Variants in RTN1 observed in about 807,000 individuals in gnomAD.
RTN1 encodes the protein reticulon-1.
In RTN1, 25 loss-of-function variants were observed where a neutral mutation model predicts 65.5. That is an observed-to-expected ratio of 0.38 (90% CI 0.28 to 0.53). The LOEUF is 0.53. Ranked by LOEUF, RTN1 falls within the 20% of genes least tolerant of loss-of-function variation. The pLI, the probability that RTN1 is intolerant of heterozygous loss-of-function variation, is 0.79. For synonymous variants in RTN1, 471 were observed against 447.6 expected (o/e 1.05, Z -0.66); for missense variants, 983 against 1,025.4 (o/e 0.96, Z 0.57).
intron 2 of RTN1, among the ~76,000 whole-genome samples, chr14:59,730,297 G>C (rs1387613247): frequency 6.6e-6 from 1 of 152,180 alleles, no homozygotes; most frequent in East Asian, 1.9e-4. Flanking sequence ...ATGAGAAGGA[G>C]AGGAAAAGTG....
intron 1 of RTN1, among the ~76,000 whole-genome samples, chr14:59,854,639 CAAAAAAAA>C (rs552017689): frequency 8.4e-5 from 6 of 71,788 alleles, no homozygotes; most frequent in African/African-American, 2.7e-4. Flanking sequence ...GACTGCGTCT[CAAAAAAAA>C]AAAAAAAAAA....
chr14:59,853,827 T>C (rs1252205257), intron 1 of RTN1, among the ~76,000 whole-genome samples: 1 of 152,078 alleles, frequency 6.6e-6, no homozygotes, highest in Non-Finnish European at 1.5e-5. Context: ...GGGGATTCTA[T>C]TGCAGGGTTT....
rs180914533 is a variant in RTN1, at chr14:59,605,028, A to T, written c.2112+340T>A. The T allele has an allele frequency of 5.4e-5, 9 of 166,814 alleles. No individual in the cohort carries two copies. The East Asian group carries it at 1.0e-3, about 19-fold the overall frequency. The allele number at this position is 166,814 out of a possible 1,614,324, so 10.3% of individuals were successfully genotyped here. ...CCCTATCTAGATTTTTTATCTTAAT[A>T]TTAATTTTGGGAAATTGTCGGAGGA... On this transcript the variant is annotated intron_variant, in intron 5 of 8. Transcript: ENST00000267484.
chr14:59,738,095 G>T (rs993899847), intron 2 of RTN1, among the ~76,000 whole-genome samples: 15 of 152,128 alleles, frequency 9.9e-5, no homozygotes, highest in Non-Finnish European at 5.9e-5. Flanking sequence ...CAGGACATAG[G>T]CATGGGCAAA....
At chr14:59,715,367 A>T (rs1170141345) in intron 3 of RTN1, among the ~76,000 whole-genome samples, 1 of 152,216 alleles carries the variant, frequency 6.6e-6, no homozygotes, top group Non-Finnish European at 1.5e-5. Context: ...GCCCTGAGGA[A>T]AAGATGTCTC....
chr14:59,611,228 C>T (rs1350502804), intron 3 of RTN1, among the ~76,000 whole-genome samples: 1 of 152,138 alleles, frequency 6.6e-6, no homozygotes, highest in African/African-American at 2.4e-5. Flanking sequence ...CCAGGATTGC[C>T]CTTGTGGCTA....
chr14:59,758,379 T>G (rs573218647), intron 1 of RTN1, among the ~76,000 whole-genome samples: 1 of 152,320 alleles, frequency 6.6e-6, no homozygotes, highest in Admixed American at 6.5e-5. Context: ...TGGCTTAGAA[T>G]TCAGGATCCT....
chr14:59,718,018 G>A (rs1375445164), intron 3 of RTN1, among the ~76,000 whole-genome samples: 2 of 152,198 alleles, frequency 1.3e-5, no homozygotes, highest in Admixed American at 1.3e-4. Flanking sequence ...AACTGCTTCC[G>A]ATATAAATGG....
intron 3 of RTN1, among the ~76,000 whole-genome samples, chr14:59,623,654 A>G (rs1246179514): frequency 6.6e-6 from 1 of 152,236 alleles, no homozygotes; most frequent in East Asian, 1.9e-4. Context: ...TCTATTGGTC[A>G]TCAACCATAA....
intron 1 of RTN1, among the ~76,000 whole-genome samples, chr14:59,848,497 T>A (rs1034416297): frequency 6.6e-6 from 1 of 152,242 alleles, no homozygotes. Flanking sequence ...CAAAGTGATA[T>A]AACATATGAA....
At chr14:59,742,557 G>A (rs1885135730) in intron 2 of RTN1, among the ~76,000 whole-genome samples, 1 of 152,140 alleles carries the variant, frequency 6.6e-6, no homozygotes, top group African/African-American at 2.4e-5. Flanking sequence ...TTGGAATTGG[G>A]AGAAATATAA....
intron 1 of RTN1, among the ~76,000 whole-genome samples, chr14:59,823,430 A>T (rs531390592): frequency 1.3e-5 from 2 of 152,192 alleles, no homozygotes; most frequent in African/African-American, 4.8e-5. Context: ...TTGTGGTGGT[A>T]GATATCAGTC....
At chr14:59,763,696 C>G (rs1260889961) in intron 1 of RTN1, among the ~76,000 whole-genome samples, 2 of 151,988 alleles carry the variant, frequency 1.3e-5, no homozygotes, top group African/African-American at 4.8e-5. Context: ...CGACGCCCGG[C>G]TAATTTTTGT....
At chr14:59,841,356 T>A (rs1037845709) in intron 1 of RTN1, among the ~76,000 whole-genome samples, 1 of 152,130 alleles carries the variant, frequency 6.6e-6, no homozygotes, top group African/African-American at 2.4e-5. Flanking sequence ...CAAATATAAA[T>A]GTTTAAACAC....
rs755798024 is a variant in RTN1 at position 59,727,086 on chromosome 14, C to T, written c.1598G>A (p.Gly533Asp). 6.2e-7 allele frequency: 1 copy of T among 1,611,596 alleles called. No homozygotes were observed. The highest frequency in any genetic ancestry group is 2.2e-5 in the East Asian group (1 of 44,748). The change falls in exon 3 of 9, where the codon GGC (glycine) becomes GAC (aspartate). Residue 533 changes from glycine (G) to aspartate (D), a missense_variant. Around this residue, in one of 2 missense-constraint regions of RTN1, gnomAD observed 818 missense variants for 801.8 expected, o/e 1.02. Transcript: ENST00000267484. The surrounding 1 kb of genome is among the most constrained non-coding windows in gnomAD (Gnocchi z 4.2). ...TCCGTCTCCAGGGGGCAGCTCGGGGCCAGGCTGGGGCTCAGTTGAGGGGTA... is the reference window on the plus strand; with the variant it reads ...TCCGTCTCCAGGGGGCAGCTCGGGGTCAGGCTGGGGCTCAGTTGAGGGGTA... ...LDYPSTEPQP[G>D]PELPPGDGAL...
At chr14:59,852,784 G>A (rs1887532709) in intron 1 of RTN1, among the ~76,000 whole-genome samples, 2 of 152,156 alleles carry the variant, frequency 1.3e-5, no homozygotes, top group African/African-American at 2.4e-5. Flanking sequence ...AATTCAGTTA[G>A]AGTATATTCT....
At chr14:59,746,553 C>T (rs1885231760) in intron 1 of RTN1, 72 bp from the exon 2 acceptor site, 7 of 1,291,948 alleles carry the variant, frequency 5.4e-6, no homozygotes, top group Non-Finnish European at 7.4e-6. Context: ...TAACCCACCA[C>T]CCACCCCTGC....
At chr14:59,608,759 TG>T (rs1881846719) in intron 3 of RTN1, among the ~76,000 whole-genome samples, 1 of 152,176 alleles carries the variant, frequency 6.6e-6, no homozygotes, top group African/African-American at 2.4e-5. Flanking sequence ...AGACCTTTGT[TG>T]GGCAAAATTT....
intron 3 of RTN1, among the ~76,000 whole-genome samples, chr14:59,687,349 G>T (rs928674951): frequency 6.6e-6 from 1 of 152,128 alleles, no homozygotes; most frequent in African/African-American, 2.4e-5. Flanking sequence ...CAGATCTCCA[G>T]GAATTCAGAG....
Sources: allele counts gnomAD v4.1 joint callset (sites outside exome capture counted in the v4.1 genomes callset), GRCh38; gene constraint gnomAD v4.1.1; regional missense constraint gnomAD v4.1.1; non-coding constraint Gnocchi (gnomAD v3.1); transcripts MANE v1.5; gene names NCBI Gene and HGNC (gene_info 2026-07-23, HGNC 2026-07-21).